The following WNT3A variants were observed in gnomAD, a reference collection of about 807,000 sequenced individuals.
WNT3A encodes Wnt family member 3A, also known as protein Wnt-3a.
Under a neutral mutation model 37.0 loss-of-function variants are expected in WNT3A, and 17 were observed. The observed-to-expected ratio is 0.46, with a 90% confidence interval of 0.31 to 0.69. The LOEUF is 0.69. WNT3A is among the 30% of genes least tolerant of loss of function. The pLI is 0.05. For synonymous variants in WNT3A, 187 were observed against 211.0 expected, an observed-to-expected ratio of 0.89 and a Z score of 0.99; for missense variants, 411 against 510.2, an observed-to-expected ratio of 0.81 and a Z score of 1.87.
intron 1 of WNT3A, among the ~76,000 whole-genome samples, chr1:228,020,751 G>T (rs781422950): frequency 6.6e-6 from 1 of 152,236 alleles, no homozygotes; most frequent in Non-Finnish European, 1.5e-5. Flanking sequence ...AGGACAGACT[G>T]CAGGGGTGCA....
intron 1 of WNT3A, among the ~76,000 whole-genome samples, chr1:228,015,127 G>A (rs565018242): frequency 1.3e-5 from 2 of 152,342 alleles, no homozygotes; most frequent in South Asian, 2.1e-4. Context: ...GATAGAAACA[G>A]TTTGTGTTCT....
rs1015293090 is a variant in WNT3A at position 228,050,553 on chromosome 1, C to T, written c.314-103C>T. 32 of 1,412,316 alleles carry T rather than the reference C, an allele frequency of 2.3e-5. No homozygotes were observed. Among genetic ancestry groups the T allele is most frequent in the Middle Eastern group, 1.9e-4 (1 of 5,398 alleles). 87.5% of individuals were successfully genotyped at this position (1,412,316 alleles called of 1,614,324 possible). A position where few individuals can be genotyped will look rare whatever the true frequency, so the allele number is the denominator to read the frequency against. On this transcript the variant is annotated intron_variant, in intron 2 of 3. Coordinates refer to ENST00000284523, the MANE Select transcript of WNT3A (RefSeq NM_033131.4). The surrounding 1 kb of genome is among the most constrained non-coding windows in gnomAD (Gnocchi z 5.0). ...TTGCCTTATACACCACCCAACCTCACGAGTTCCTTTATAACAATGCAAATG... is the reference window on the plus strand; with the variant it reads ...TTGCCTTATACACCACCCAACCTCATGAGTTCCTTTATAACAATGCAAATG...
At chr1:228,053,137 T>C (rs2031594865) in intron 3 of WNT3A, among the ~76,000 whole-genome samples, 1 of 152,226 alleles carries the variant, frequency 6.6e-6, no homozygotes, top group African/African-American at 2.4e-5. Context: ...GGGTGCCCTC[T>C]TGGAAGCAGA....
In WNT3A at chr1:228,022,648, C is replaced by A. The variant is rs541407192; in HGVS notation, c.72-19C>A. ...GCTGTCCCAGCCCCACACTCACCAC[C>A]GGATCTTGCCCTCTGCAGGTCGCTG... On this transcript the variant is annotated intron_variant, in intron 1 of 3. Coordinates refer to ENST00000284523, the MANE Select transcript of WNT3A (RefSeq NM_033131.4). The A allele has an allele frequency of 6.2e-7, 1 of 1,603,396 alleles. No homozygotes were observed. Among genetic ancestry groups the A allele is most frequent in the Admixed American group, 1.7e-5 (1 of 59,776 alleles).
chr1:228,061,158 G>GC lies in WNT3A; in HGVS notation c.*1697dup, dbSNP rs202177020. On this transcript the variant is annotated 3_prime_UTR_variant, in exon 4 of 4. Coordinates refer to ENST00000284523, the MANE Select transcript of WNT3A (RefSeq NM_033131.4). Reference sequence around the variant, plus strand: ...GGGAGAAGAAGCGGCCAGGCGGGGCGCCCCAAGAGCCCAAAAGAGGGCACA... The same window carrying GC: ...GGGAGAAGAAGCGGCCAGGCGGGGCGCCCCCAAGAGCCCAAAAGAGGGCACA... The GC allele has an allele frequency of 0.024, 3,743 of 152,812 alleles. 68 individuals carry two copies. The highest frequency in any genetic ancestry group is 0.04 in the Non-Finnish European group (2,726 of 68,072). The allele number at this position is 152,812 out of a possible 1,614,324, so 9.5% of individuals were successfully genotyped here. A position where few individuals can be genotyped will look rare whatever the true frequency, so the allele number is the denominator to read the frequency against.
At chr1:228,028,779 T>C (rs980277847) in intron 2 of WNT3A, among the ~76,000 whole-genome samples, 14 of 152,222 alleles carry the variant, frequency 9.2e-5, no homozygotes, top group African/African-American at 3.4e-4. Context: ...GATGTGTTTC[T>C]GTTTGTTTGT....
At chr1:228,043,036 T>C (rs1481863935) in intron 2 of WNT3A, among the ~76,000 whole-genome samples, 5 of 151,636 alleles carry the variant, frequency 3.3e-5, no homozygotes, top group Non-Finnish European at 7.4e-5. Context: ...GATGGATGGA[T>C]GGATGATGCA....
intron 2 of WNT3A, among the ~76,000 whole-genome samples, chr1:228,034,556 A>G (rs2031090361): frequency 6.6e-6 from 1 of 152,208 alleles, no homozygotes. Flanking sequence ...ATAGGATGTT[A>G]GCTGCAGGTA....
intron 3 of WNT3A, among the ~76,000 whole-genome samples, chr1:228,055,053 G>C (rs906877794): frequency 6.8e-6 from 1 of 147,396 alleles, no homozygotes; most frequent in Non-Finnish European, 1.5e-5. Context: ...AGAATCACTT[G>C]AATCCAGGAG....
intron 1 of WNT3A, among the ~76,000 whole-genome samples, chr1:228,011,323 G>A (rs1360825146): frequency 3.9e-5 from 6 of 152,142 alleles, no homozygotes; most frequent in Non-Finnish European, 5.9e-5. Flanking sequence ...TGTGATAGGA[G>A]GGATGGTTGC....
intron 3 of WNT3A, among the ~76,000 whole-genome samples, chr1:228,052,436 G>A (rs1452079568): frequency 1.3e-5 from 2 of 152,206 alleles, no homozygotes; most frequent in Non-Finnish European, 2.9e-5. Flanking sequence ...GAGCCACCAT[G>A]CCCAGCCGAG....
In WNT3A at chr1:228,039,336, CT is replaced by C. The variant is rs1368195466; in HGVS notation, c.314-11319del. Among the ~76,000 whole-genome samples, 4 of 152,176 alleles carry C rather than the reference CT, an allele frequency of 2.6e-5. No individual in the cohort carries two copies. Among genetic ancestry groups the C allele is most frequent in the African/African-American group, 9.7e-5 (4 of 41,440 alleles). On this transcript the variant is annotated intron_variant, in intron 2 of 3. Transcript: ENST00000284523. The surrounding 1 kb of genome is among the most constrained non-coding windows in gnomAD (Gnocchi z 4.1). ...CCAGACTAAGCAGCCCAGCCACCAG[CT>C]GCCAGCAGCCAGGGCCCTGAATCCC...
chr1:228,032,430 C>T (rs1377179907), intron 2 of WNT3A, among the ~76,000 whole-genome samples: 2 of 152,198 alleles, frequency 1.3e-5, no homozygotes, highest in East Asian at 3.9e-4. Context: ...GGTCCTAAAC[C>T]TGATGGCAAC....
At chr1:228,030,250 G>C (rs1250525123) in intron 2 of WNT3A, among the ~76,000 whole-genome samples, 1 of 151,792 alleles carries the variant, frequency 6.6e-6, no homozygotes, top group Non-Finnish European at 1.5e-5. Context: ...AAAAAAATTA[G>C]CCAAGGGGGG....
chr1:228,032,368 C>A (rs1238670953), intron 2 of WNT3A, among the ~76,000 whole-genome samples: 1 of 152,178 alleles, frequency 6.6e-6, no homozygotes, highest in Non-Finnish European at 1.5e-5. Context: ...AGCAGATTGG[C>A]TGGGGGCCCA....
chr1:228,047,692 G>A (rs984425656), intron 2 of WNT3A, among the ~76,000 whole-genome samples: 32 of 152,188 alleles, frequency 2.1e-4, no homozygotes, highest in African/African-American at 7.7e-4. Flanking sequence ...GGCTGCACAG[G>A]AAGTGTGGCT....
At chr1:228,029,092 C>T (rs968121004) in intron 2 of WNT3A, among the ~76,000 whole-genome samples, 22 of 152,196 alleles carry the variant, frequency 1.4e-4, no homozygotes, top group Admixed American at 3.9e-4. Context: ...GTAGGCACCA[C>T]CACATGAAAA....
Position 228,042,731 on chromosome 1 carries a change from T to C in WNT3A, c.314-7925T>C, listed in dbSNP as rs1224854021. Among the ~76,000 whole-genome samples, 1 of 150,984 alleles carries C rather than the reference T, an allele frequency of 6.6e-6. No homozygotes were observed. Among genetic ancestry groups the C allele is most frequent in the Non-Finnish European group, 1.5e-5 (1 of 67,756 alleles). On this transcript the variant is annotated intron_variant, in intron 2 of 3. Coordinates refer to ENST00000284523, the MANE Select transcript of WNT3A (RefSeq NM_033131.4). This position sits in a 1 kb window ranked among gnomAD's most constrained non-coding sequence, Gnocchi z 5.2. ...TGATGGATGATAGATGTATGGATAA[T>C]GTATGGATATGGATGATGAATGGAT...
chr1:228,019,173 T>C (rs991011671), intron 1 of WNT3A, among the ~76,000 whole-genome samples: 1 of 152,206 alleles, frequency 6.6e-6, no homozygotes, highest in Non-Finnish European at 1.5e-5. Flanking sequence ...GGCTTCAGAC[T>C]TGGGAGTCCA....
Sources: gnomAD v4.1 joint callset for allele counts (sites outside exome capture counted in the v4.1 genomes callset) on GRCh38, gnomAD v4.1.1 for gene constraint, Gnocchi (gnomAD v3.1) non-coding constraint, MANE v1.5 for transcripts, NCBI Gene and HGNC (gene_info 2026-07-23, HGNC 2026-07-21) for gene names.